ENOX1: variants seen among roughly 807,000 people sequenced by gnomAD.
ENOX1 encodes the protein candidate growth-related and time keeping constitutive hydroquinone (NADH) oxidase.
ENOX1 carries 42 observed loss-of-function variants against 82.5 expected under a neutral mutation model. The observed-to-expected ratio is 0.51, with a 90% CI of 0.40 to 0.66. The LOEUF is 0.66. ENOX1 is among the 30% of genes least tolerant of loss of function. The pLI is 0.00. For missense variants in ENOX1, 608 were observed against 811.6 expected, an observed-to-expected ratio of 0.75 and a Z score of 3.05; for synonymous variants, 271 against 282.2, an observed-to-expected ratio of 0.96 and a Z score of 0.40.
At chr13:43,290,911 C>T (rs112531467) in intron 12 of ENOX1, among the ~76,000 whole-genome samples, 6,315 of 152,170 alleles carry the variant, frequency 0.041, 183 homozygotes, top group African/African-American at 0.073. Flanking sequence ...CCTGTAGTCC[C>T]AGCTACTCAG....
chr13:43,298,317 A>AAC, intron 12 of ENOX1, 29 bp downstream of exon 12: 1 of 1,370,210 alleles, frequency 7.3e-7, no homozygotes, highest in Non-Finnish European at 9.7e-7. Flanking sequence ...CTTTCTCTCA[A>AAC]AAAAAAAAAA....
chr13:43,412,511 T>C lies in ENOX1; in HGVS notation c.70+334A>G, dbSNP rs2054195281. On this transcript the variant is annotated intron_variant, in intron 4 of 16. Coordinates refer to ENST00000690772, the MANE Select transcript of ENOX1 (RefSeq NM_001347969.2). ...ACTGGTCCTGACTGAATTTATTAAG[T>C]GTTACCTCGTAATCTATTCCTTCCT... Among the ~76,000 whole-genome samples, 4 of 152,234 alleles carry C rather than the reference T, an allele frequency of 2.6e-5. No individual in the cohort carries two copies. The South Asian group carries it at 8.3e-4, about 31-fold the overall frequency.
chr13:43,283,319 A>G (rs2045508425), intron 12 of ENOX1, among the ~76,000 whole-genome samples: 1 of 152,106 alleles, frequency 6.6e-6, no homozygotes, highest in African/African-American at 2.4e-5. Flanking sequence ...ACATGTTGCC[A>G]AAGATTTTCC....
intron 5 of ENOX1, among the ~76,000 whole-genome samples, chr13:43,381,612 T>C (rs2052051953): frequency 6.6e-6 from 1 of 151,556 alleles, no homozygotes; most frequent in Admixed American, 6.6e-5. Context: ...TGAAGATCAA[T>C]GAAATTGATA....
At chr13:43,739,227 G>A (rs138766120) in intron 1 of ENOX1, among the ~76,000 whole-genome samples, 70 of 152,174 alleles carry the variant, frequency 4.6e-4, no homozygotes, top group African/African-American at 1.6e-3. Flanking sequence ...TTCCTTCATC[G>A]AAGGTTAACA....
intron 5 of ENOX1, among the ~76,000 whole-genome samples, chr13:43,378,383 A>G (rs1023192957): frequency 3.9e-5 from 6 of 152,180 alleles, no homozygotes; most frequent in African/African-American, 1.4e-4. Context: ...ACACAAACAC[A>G]TCTCTCCCTG....
chr13:43,430,807 A>G (rs138510914), intron 3 of ENOX1, among the ~76,000 whole-genome samples: 2 of 152,328 alleles, frequency 1.3e-5, no homozygotes, highest in African/African-American at 2.4e-5. Context: ...TAGATTTACA[A>G]AAGTGTAGCA....
chr13:43,573,857 A>G (rs2080295387), intron 2 of ENOX1, among the ~76,000 whole-genome samples: 1 of 152,226 alleles, frequency 6.6e-6, no homozygotes, highest in African/African-American at 2.4e-5. Flanking sequence ...ACTTATGGGA[A>G]AAGTGAGATA....
chr13:43,378,101 TAA>T (rs1426320478), intron 5 of ENOX1, among the ~76,000 whole-genome samples: 2 of 152,162 alleles, frequency 1.3e-5, no homozygotes, highest in Admixed American at 1.3e-4. Flanking sequence ...CTGAAACAAC[TAA>T]AAAGCCAGAT....
chr13:43,260,871 G>A (rs965946137), intron 14 of ENOX1, among the ~76,000 whole-genome samples: 2 of 152,180 alleles, frequency 1.3e-5, no homozygotes, highest in African/African-American at 2.4e-5. Context: ...ATAAAGGTTA[G>A]TTTTAAATTT....
At chr13:43,425,045 C>T (rs769089504) in intron 3 of ENOX1, among the ~76,000 whole-genome samples, 1 of 152,010 alleles carries the variant, frequency 6.6e-6, no homozygotes, top group Non-Finnish European at 1.5e-5. Flanking sequence ...GCCTGAGTGT[C>T]CAAAAGGTAT....
At chr13:43,733,226 A>G (rs1192981061) in intron 1 of ENOX1, among the ~76,000 whole-genome samples, 1 of 152,212 alleles carries the variant, frequency 6.6e-6, no homozygotes, top group Non-Finnish European at 1.5e-5. Flanking sequence ...ACACATAAGG[A>G]AACAGTAATA....
chr13:43,620,046 G>T (rs2082656088), intron 2 of ENOX1, among the ~76,000 whole-genome samples: 1 of 152,098 alleles, frequency 6.6e-6, no homozygotes, highest in African/African-American at 2.4e-5. Flanking sequence ...GTGTAAAGGT[G>T]TTCACAGTAG....
At chr13:43,616,111 TCTATA>T (rs2082411485) in intron 2 of ENOX1, among the ~76,000 whole-genome samples, 1 of 54,138 alleles carries the variant, frequency 1.8e-5, no homozygotes, top group Non-Finnish European at 4.4e-5. Context: ...TAGATAGATA[TCTATA>T]GATCTATAGA....
chr13:43,553,878 G>T (rs2079317882), intron 2 of ENOX1, among the ~76,000 whole-genome samples: 1 of 152,188 alleles, frequency 6.6e-6, no homozygotes, highest in Non-Finnish European at 1.5e-5. Context: ...CTCCCGAGCA[G>T]CTGGGGTTAC....
chr13:43,584,785 G>T (rs1419390915), intron 2 of ENOX1, among the ~76,000 whole-genome samples: 12 of 152,126 alleles, frequency 7.9e-5, no homozygotes. Context: ...AGTGACTTTT[G>T]ATTTCCTGCT....
At chr13:43,240,374 A>G (rs2042758853) in intron 14 of ENOX1, among the ~76,000 whole-genome samples, 1 of 152,222 alleles carries the variant, frequency 6.6e-6, no homozygotes. Flanking sequence ...AGAAGTAGGT[A>G]GATCATGGTA....
chr13:43,569,776 G>C (rs1164831147), intron 2 of ENOX1, among the ~76,000 whole-genome samples: 4 of 151,944 alleles, frequency 2.6e-5, no homozygotes, highest in Admixed American at 6.6e-5. Flanking sequence ...ACTACACCAC[G>C]ATGTTTCTAA....
At chr13:43,392,073 C>T (rs779823164) in intron 5 of ENOX1, among the ~76,000 whole-genome samples, 6 of 150,074 alleles carry the variant, frequency 4.0e-5, no homozygotes, top group Non-Finnish European at 8.9e-5. Context: ...CTCCACTTTC[C>T]AGAGCTGGCT....
Sources: allele counts gnomAD v4.1 joint callset (sites outside exome capture counted in the v4.1 genomes callset), GRCh38; gene constraint gnomAD v4.1.1; transcripts MANE v1.5; gene names NCBI Gene and HGNC (gene_info 2026-07-23, HGNC 2026-07-21).